The following PCDH15 variants were observed in gnomAD, a reference collection of about 807,000 sequenced individuals.
PCDH15 encodes the protein protocadherin-15.
PCDH15 carries 129 observed loss-of-function variants against 178.5 expected under a neutral mutation model. That is an observed-to-expected ratio of 0.72 (90% CI 0.63 to 0.84). The LOEUF is 0.84. PCDH15 is among the 40% of genes least tolerant of loss of function. The probability of loss-of-function intolerance (pLI) is 0.00; values close to 1 mark genes in which losing one functional copy is unlikely to be tolerated. For synonymous variants in PCDH15, 800 were observed against 732.0 expected (o/e 1.09, Z -1.50); for missense variants, 2,230 against 2,099.9 (o/e 1.06, Z -1.21).
intron 3 of PCDH15, among the ~76,000 whole-genome samples, chr10:54,818,695 A>T (rs763052682): frequency 1.7e-4 from 26 of 152,100 alleles, no homozygotes; most frequent in Middle Eastern, 3.4e-3. Context: ...TCTTTCCGTT[A>T]TTCTAACCCC....
chr10:55,367,265 T>C (rs985868722), intron 2 of PCDH15, among the ~76,000 whole-genome samples: 3 of 152,104 alleles, frequency 2.0e-5, no homozygotes, highest in African/African-American at 4.8e-5. Context: ...CATTAAAGAA[T>C]TGATGATAAA....
At chr10:55,331,818 T>C (rs1179981309) in intron 2 of PCDH15, among the ~76,000 whole-genome samples, 1 of 152,016 alleles carries the variant, frequency 6.6e-6, no homozygotes, top group African/African-American at 2.4e-5. Flanking sequence ...TAACAGGATA[T>C]AAGAAATGGC....
intron 2 of PCDH15, among the ~76,000 whole-genome samples, chr10:54,569,383 T>G (rs2089481852): frequency 1.3e-5 from 2 of 152,186 alleles, no homozygotes; most frequent in African/African-American, 4.8e-5. Context: ...TTATCAATTT[T>G]CATGGGAAAG....
chr10:55,186,845 C>T (rs932307769), intron 1 of PCDH15, among the ~76,000 whole-genome samples: 1 of 151,374 alleles, frequency 6.6e-6, no homozygotes, highest in South Asian at 2.1e-4. Flanking sequence ...CTGTTTTATG[C>T]TTCAGTACTT....
chr10:55,300,166 C>A (rs539755381), intron 1 of PCDH15, among the ~76,000 whole-genome samples: 2 of 152,098 alleles, frequency 1.3e-5, no homozygotes, highest in South Asian at 4.1e-4. Context: ...CCTACATTAG[C>A]CTCTGAAATA....
upstream of PCDH15, among the ~76,000 whole-genome samples, chr10:54,801,618 T>C (rs1470475641): frequency 6.6e-6 from 1 of 152,182 alleles, no homozygotes; most frequent in Non-Finnish European, 1.5e-5. Context: ...GCTTCTTTTA[T>C]CATTCTCTCT....
chr10:55,464,730 A>T (rs1336315250), intron 2 of PCDH15, among the ~76,000 whole-genome samples: 1 of 149,322 alleles, frequency 6.7e-6, no homozygotes, highest in Non-Finnish European at 1.5e-5. Context: ...GTGTGTATAT[A>T]TATATGCAAC....
intron 1 of PCDH15, among the ~76,000 whole-genome samples, chr10:54,760,479 G>A (rs1947731615): frequency 6.6e-6 from 1 of 152,148 alleles, no homozygotes; most frequent in Non-Finnish European, 1.5e-5. Flanking sequence ...GAGAACAACA[G>A]AAGTGGATAC....
At chr10:53,931,072 G>C (rs2085019694) in intron 25 of PCDH15, among the ~76,000 whole-genome samples, 1 of 152,168 alleles carries the variant, frequency 6.6e-6, no homozygotes, top group Admixed American at 6.5e-5. Context: ...CAGAAAGTTT[G>C]AGTGCAGGAA....
chr10:54,726,605 T>C (rs1942572117), intron 1 of PCDH15, among the ~76,000 whole-genome samples: 1 of 151,396 alleles, frequency 6.6e-6, no homozygotes, highest in African/African-American at 2.4e-5. Flanking sequence ...TCAATGAAGA[T>C]CATCGAGATT....
chr10:55,616,533 A>C (rs1394860961), intron 2 of PCDH15, among the ~76,000 whole-genome samples: 1 of 151,412 alleles, frequency 6.6e-6, no homozygotes, highest in Admixed American at 6.6e-5. Context: ...AAAAAAAAAA[A>C]GAGTAACTCT....
intron 2 of PCDH15, among the ~76,000 whole-genome samples, chr10:54,912,000 CATT>C (rs1461769631): frequency 6.6e-6 from 1 of 152,050 alleles, no homozygotes; most frequent in Admixed American, 6.6e-5. Flanking sequence ...CCACATTCAT[CATT>C]ATTATTATTT....
At chr10:55,035,546 C>A (rs146478472) in intron 2 of PCDH15, among the ~76,000 whole-genome samples, 5 of 152,078 alleles carry the variant, frequency 3.3e-5, no homozygotes, top group South Asian at 2.1e-4. Context: ...TGCATCACAG[C>A]GTAATAAAGT....
At chr10:54,442,416 A>G (rs9416356) in intron 3 of PCDH15, among the ~76,000 whole-genome samples, 1 of 9,410 alleles carries the variant, frequency 1.1e-4, no homozygotes, top group Non-Finnish European at 2.7e-4. Flanking sequence ...CTTAAAGGCT[A>G]TATATATATA....
intron 8 of PCDH15, among the ~76,000 whole-genome samples, chr10:54,267,200 C>T (rs1231759797): frequency 1.3e-5 from 2 of 151,294 alleles, no homozygotes; most frequent in South Asian, 2.1e-4. Context: ...TCAACAGATA[C>T]GTTAAAGTAT....
chr10:54,386,243 A>G (rs1949916955), intron 3 of PCDH15, among the ~76,000 whole-genome samples: 1 of 151,472 alleles, frequency 6.6e-6, no homozygotes. Flanking sequence ...AACACTAGCG[A>G]CAGCTGATAG....
rs34920648 is a variant in PCDH15 at position 55,329,002 on chromosome 10, C to CGTGT, written c.-155-162355_-155-162352dup. Among the ~76,000 whole-genome samples, 521 of 131,116 alleles carry CGTGT rather than the reference C, an allele frequency of 4.0e-3. 2 individuals are homozygous for CGTGT. The highest frequency in any genetic ancestry group is 9.6e-3 in the African/African-American group (344 of 35,698). The allele number at this position is 131,116 out of a possible 152,430, so 86.0% of individuals were successfully genotyped here. A position where few individuals can be genotyped will look rare whatever the true frequency, so the allele number is the denominator to read the frequency against. On this transcript the variant is annotated intron_variant, in intron 2 of 5. Coordinates refer to the PCDH15 transcript ENST00000613346. Reference sequence around the variant, plus strand: ...AACATTTGGAAATATATTCCATTTTCGTGTGTGTGTGTGTGTGTGTGTGTT... The same window carrying CGTGT: ...AACATTTGGAAATATATTCCATTTTCGTGTGTGTGTGTGTGTGTGTGTGTGTGTT...
At chr10:54,777,181 A>ACTGTGAG (rs1164285411) in intron 1 of PCDH15, among the ~76,000 whole-genome samples, 5 of 152,166 alleles carry the variant, frequency 3.3e-5, no homozygotes, top group Non-Finnish European at 7.3e-5. Context: ...CAGAATCAGC[A>ACTGTGAG]CTGTGAGCTG....
At chr10:55,180,187 A>T (rs1331922041) in intron 1 of PCDH15, among the ~76,000 whole-genome samples, 1 of 152,010 alleles carries the variant, frequency 6.6e-6, no homozygotes, top group Non-Finnish European at 1.5e-5. Context: ...CCCACAAGAG[A>T]AGTACAAAGT....
Sources: allele counts gnomAD v4.1 joint callset (sites outside exome capture counted in the v4.1 genomes callset), GRCh38; gene constraint gnomAD v4.1.1; transcripts MANE v1.5; gene names NCBI Gene and HGNC (gene_info 2026-07-23, HGNC 2026-07-21).